HPSE2: variants seen among roughly 807,000 people sequenced by gnomAD.
HPSE2 encodes the protein inactive heparanase-2.
Under a neutral mutation model 60.5 loss-of-function variants are expected in HPSE2, and 38 were observed. The ratio of observed to expected loss-of-function variants is 0.63; its 90% CI spans 0.48 to 0.82. The LOEUF (loss-of-function observed/expected upper bound fraction) is 0.82. Among genes scored for constraint, HPSE2 ranks in the 40% least tolerant of loss-of-function variants. The probability of loss-of-function intolerance (pLI) is 0.00; values close to 1 mark genes in which losing one functional copy is unlikely to be tolerated. For synonymous variants in HPSE2, 295 were observed against 293.2 expected, an observed-to-expected ratio of 1.01 and a Z score of -0.06; for missense variants, 713 against 740.4, an observed-to-expected ratio of 0.96 and a Z score of 0.43.
chr10:98,777,197 G>A (rs1950359546), intron 3 of HPSE2, among the ~76,000 whole-genome samples: 1 of 152,264 alleles, frequency 6.6e-6, no homozygotes, highest in Non-Finnish European at 1.5e-5. Context: ...AGGTCAGTAA[G>A]GTTAAATTAC....
chr10:98,468,314 C>T (rs2133598600), intron 11 of HPSE2, among the ~76,000 whole-genome samples: 1 of 152,290 alleles, frequency 6.6e-6, no homozygotes, highest in Non-Finnish European at 1.5e-5. Flanking sequence ...TCGCCTGGTA[C>T]CCCATGTCCG....
At chr10:98,844,807 T>C (rs748112844) in intron 3 of HPSE2, among the ~76,000 whole-genome samples, 7 of 152,234 alleles carry the variant, frequency 4.6e-5, no homozygotes, top group Non-Finnish European at 8.8e-5. Context: ...CAGGTAGCAG[T>C]ATTCCCATTT....
intron 10 of HPSE2, among the ~76,000 whole-genome samples, chr10:98,488,309 A>C (rs558670558): frequency 6.6e-6 from 1 of 152,338 alleles, no homozygotes; most frequent in South Asian, 2.1e-4. Flanking sequence ...CTAACTCTAA[A>C]TCAACAGTAA....
chr10:99,113,570 TTAAG>T (rs1209443425), intron 3 of HPSE2, among the ~76,000 whole-genome samples: 4 of 152,130 alleles, frequency 2.6e-5, no homozygotes, highest in Non-Finnish European at 5.9e-5. Context: ...CAGCTGAAAA[TTAAG>T]TAATATTTTT....
At chr10:99,224,440 C>G (rs2133936427) in intron 2 of HPSE2, among the ~76,000 whole-genome samples, 1 of 152,026 alleles carries the variant, frequency 6.6e-6, no homozygotes, top group East Asian at 1.9e-4. Context: ...CACACACACA[C>G]ACACACACAC....
intron 3 of HPSE2, among the ~76,000 whole-genome samples, chr10:98,832,437 C>T (rs1951703151): frequency 6.6e-6 from 1 of 152,128 alleles, no homozygotes. Flanking sequence ...GTTCAAATGA[C>T]AACAATGGTT....
At chr10:99,105,912 G>A (rs559923576) in intron 3 of HPSE2, among the ~76,000 whole-genome samples, 2 of 151,888 alleles carry the variant, frequency 1.3e-5, no homozygotes, top group South Asian at 4.1e-4. Context: ...TAATACCTTT[G>A]TCAAAAATCA....
intron 3 of HPSE2, among the ~76,000 whole-genome samples, chr10:98,901,789 C>A (rs898652262): frequency 3.3e-5 from 5 of 152,130 alleles, no homozygotes; most frequent in African/African-American, 4.8e-5. Flanking sequence ...AGCTACTTAA[C>A]CTTTGTAGGC....
intron 3 of HPSE2, among the ~76,000 whole-genome samples, chr10:98,815,119 TAAATAA>T (rs1951255324): frequency 6.6e-6 from 1 of 151,888 alleles, no homozygotes; most frequent in Non-Finnish European, 1.5e-5. Context: ...AGTAAAACAA[TAAATAA>T]AAATAAAATT....
chr10:98,989,995 T>C (rs745341913), intron 3 of HPSE2, among the ~76,000 whole-genome samples: 1 of 152,126 alleles, frequency 6.6e-6, no homozygotes, highest in Non-Finnish European at 1.5e-5. Flanking sequence ...AAAACTGTGA[T>C]TGAGACAAGT....
chr10:98,989,583 A>G (rs2135336014), intron 3 of HPSE2, among the ~76,000 whole-genome samples: 1 of 152,026 alleles, frequency 6.6e-6, no homozygotes. Flanking sequence ...CCAACATGGC[A>G]CATGTATACA....
intron 9 of HPSE2, among the ~76,000 whole-genome samples, chr10:98,579,868 C>T (rs897586399): frequency 2.6e-5 from 4 of 152,174 alleles, no homozygotes; most frequent in Non-Finnish European, 2.9e-5. Flanking sequence ...TAATATACTA[C>T]CTGTTTCATC....
At chr10:99,214,697 G>C (rs1217931533) in intron 2 of HPSE2, among the ~76,000 whole-genome samples, 1 of 151,918 alleles carries the variant, frequency 6.6e-6, no homozygotes, top group Non-Finnish European at 1.5e-5. Context: ...CTGTCCATCT[G>C]GCAAAGGTCT....
At chr10:99,254,291 G>A in the HPSE2 span, among the ~76,000 whole-genome samples, 1 of 152,076 alleles carries the variant, frequency 6.6e-6, no homozygotes, top group Admixed American at 6.6e-5. Flanking sequence ...AATTAACACA[G>A]GAACAGATAA....
At chr10:98,513,153 T>C (rs1485796462) in intron 9 of HPSE2, among the ~76,000 whole-genome samples, 2 of 152,168 alleles carry the variant, frequency 1.3e-5, no homozygotes, top group African/African-American at 4.8e-5. Flanking sequence ...CAATAAACGG[T>C]TGTAACTATG....
chr10:99,012,282 A>C (rs1409976070), intron 3 of HPSE2, among the ~76,000 whole-genome samples: 1 of 152,164 alleles, frequency 6.6e-6, no homozygotes, highest in African/African-American at 2.4e-5. Context: ...GAAAGTAATA[A>C]TCTGATAATT....
chr10:99,279,253 T>C, the HPSE2 span, among the ~76,000 whole-genome samples: 14 of 152,316 alleles, frequency 9.2e-5, no homozygotes, highest in African/African-American at 3.1e-4. Flanking sequence ...TGGAAAGTGA[T>C]AGCACATAAA....
At chr10:98,760,752 ATTTTC>A (rs764806895) in intron 3 of HPSE2, among the ~76,000 whole-genome samples, 1 of 151,810 alleles carries the variant, frequency 6.6e-6, no homozygotes, top group Non-Finnish European at 1.5e-5. Flanking sequence ...CTTTCCTATA[ATTTTC>A]TTTTCTTGTA....
chr10:99,011,987 A>T (rs1957029057), intron 3 of HPSE2, among the ~76,000 whole-genome samples: 1 of 152,010 alleles, frequency 6.6e-6, no homozygotes, highest in African/African-American at 2.4e-5. Context: ...TAAAATAAAA[A>T]AGAACTTTGC....
Sources: allele counts gnomAD v4.1 joint callset (sites outside exome capture counted in the v4.1 genomes callset), GRCh38; gene constraint gnomAD v4.1.1; transcripts MANE v1.5; gene names NCBI Gene and HGNC (gene_info 2026-07-23, HGNC 2026-07-21).